The following CDH12 variants were observed in gnomAD, a reference collection of about 807,000 sequenced individuals.
CDH12 encodes cadherin-12.
In CDH12, 41 loss-of-function variants were observed where a neutral mutation model predicts 74.1. The ratio of observed to expected loss-of-function variants is 0.55; its 90% CI spans 0.43 to 0.72. The LOEUF is 0.72. Among genes scored for constraint, CDH12 ranks in the 30% least tolerant of loss-of-function variants. CDH12 has a pLI of 0.00. For missense variants in CDH12, 945 were observed against 977.2 expected (o/e 0.97, Z 0.44); for synonymous variants, 399 against 355.0 (o/e 1.12, Z -1.39).
chr5:22,578,182 C>A (rs1230676828), intron 1 of CDH12, among the ~76,000 whole-genome samples: 1 of 152,064 alleles, frequency 6.6e-6, no homozygotes, highest in Admixed American at 6.6e-5. Flanking sequence ...AAAGAATGAT[C>A]ATGCAAAAAT....
chr5:21,925,932 T>C (rs995094890), intron 6 of CDH12, among the ~76,000 whole-genome samples: 2 of 92,042 alleles, frequency 2.2e-5, no homozygotes, highest in Non-Finnish European at 5.5e-5. Flanking sequence ...TCCAATAACA[T>C]GCTTTTGATA....
intron 13 of CDH12, among the ~76,000 whole-genome samples, chr5:21,759,596 T>C (rs1236146183): frequency 2.0e-5 from 3 of 152,142 alleles, no homozygotes; most frequent in Non-Finnish European, 2.9e-5. Context: ...TAAGAATCTG[T>C]CATTTTGGTA....
intron 5 of CDH12, among the ~76,000 whole-genome samples, chr5:21,976,496 C>CT (rs1162212772): frequency 8.7e-5 from 13 of 150,042 alleles, no homozygotes; most frequent in Non-Finnish European, 1.6e-4. Flanking sequence ...ATATAATTTT[C>CT]TAGTAGTATA....
intron 4 of CDH12, among the ~76,000 whole-genome samples, chr5:22,150,237 C>A (rs1045183487): frequency 6.6e-6 from 1 of 151,862 alleles, no homozygotes; most frequent in Non-Finnish European, 1.5e-5. Context: ...TCTGCTAACA[C>A]TTTTTAATAT....
intron 6 of CDH12, among the ~76,000 whole-genome samples, chr5:21,940,894 G>GA (rs1340365003): frequency 6.6e-6 from 1 of 150,982 alleles, no homozygotes; most frequent in African/African-American, 2.4e-5. Context: ...AATTACTTTG[G>GA]AAAAAAATCA....
chr5:22,144,931 C>T (rs1291054385), intron 4 of CDH12, among the ~76,000 whole-genome samples: 2 of 151,914 alleles, frequency 1.3e-5, no homozygotes, highest in Admixed American at 6.6e-5. Flanking sequence ...AATCAGATTT[C>T]GGCAATGTTG....
chr5:22,835,685 A>T (rs545447138), intron 1 of CDH12, among the ~76,000 whole-genome samples: 5 of 152,270 alleles, frequency 3.3e-5, no homozygotes, highest in Middle Eastern at 3.4e-3. Flanking sequence ...TCCTCCACTA[A>T]CAAACGATTA....
At chr5:22,296,909 T>C (rs1737649277) in intron 3 of CDH12, among the ~76,000 whole-genome samples, 1 of 152,164 alleles carries the variant, frequency 6.6e-6, no homozygotes, top group African/African-American at 2.4e-5. Flanking sequence ...AAAATATCTT[T>C]AGGAAAGCAT....
At chr5:21,784,904 G>T (rs1332277526) in intron 10 of CDH12, among the ~76,000 whole-genome samples, 5 of 152,094 alleles carry the variant, frequency 3.3e-5, no homozygotes, top group Non-Finnish European at 7.4e-5. Context: ...GTTAGTACAG[G>T]TATACCTTAT....
chr5:22,644,620 C>T (rs1182524179), intron 1 of CDH12, among the ~76,000 whole-genome samples: 3 of 151,822 alleles, frequency 2.0e-5, no homozygotes, highest in Admixed American at 1.3e-4. Context: ...GCAGTAAGTG[C>T]TTATATAGAA....
chr5:22,567,096 C>T (rs1489960861), intron 1 of CDH12, among the ~76,000 whole-genome samples: 2 of 152,132 alleles, frequency 1.3e-5, no homozygotes, highest in Non-Finnish European at 2.9e-5. Flanking sequence ...TATAACTCCT[C>T]GGATGTTTTA....
chr5:22,196,440 G>C (rs1750625984), intron 4 of CDH12, among the ~76,000 whole-genome samples: 2 of 152,004 alleles, frequency 1.3e-5, no homozygotes, highest in African/African-American at 4.8e-5. Context: ...ACTGTGCCTG[G>C]CCTGTATGTA....
In CDH12 at chr5:22,015,117, T is replaced by C. The variant is rs116040093; in HGVS notation, c.232-39732A>G. ...AAACTGAGTGTTTGCTCAACCATAATTGTGAAGCAATCAGTTTAATTTTCT... is the reference window on the plus strand; with the variant it reads ...AAACTGAGTGTTTGCTCAACCATAACTGTGAAGCAATCAGTTTAATTTTCT... On this transcript the variant is annotated intron_variant, in intron 5 of 14. Coordinates refer to ENST00000382254, the MANE Select transcript of CDH12 (RefSeq NM_004061.5). 5.1e-3 allele frequency among the ~76,000 whole-genome samples: 777 copies of C among 152,302 alleles called. 7 individuals are homozygous for C. The highest frequency in any genetic ancestry group is 0.018 in the African/African-American group (734 of 41,572).
At position 22,117,239 on chromosome 5, in the gene CDH12, T is replaced by C. The variant is rs146898429; in HGVS notation, c.-186-38377A>G. On this transcript the variant is annotated intron_variant, in intron 4 of 14. Coordinates refer to ENST00000382254, the MANE Select transcript of CDH12 (RefSeq NM_004061.5). ...CTTCTTGTATATACTAAATTATTTC[T>C]AGTAGCTTTAAAGAATAAGAAACAA... Among the ~76,000 whole-genome samples the C allele has an allele frequency of 5.0e-3, 748 of 150,440 alleles. 5 individuals carry two copies. The highest frequency in any genetic ancestry group is 0.017 in the African/African-American group (690 of 40,934).
rs535285893 is a variant in CDH12, at chr5:21,933,864, G to A, written c.526+41227C>T. Among the ~76,000 whole-genome samples, 34 of 152,272 alleles carry A rather than the reference G, an allele frequency of 2.2e-4. No individual in the cohort carries two copies. The South Asian group carries it at 3.3e-3, about 15-fold the overall frequency. On this transcript the variant is annotated intron_variant, in intron 6 of 14. Transcript: ENST00000382254. ...ACACATTTGTTCACTGAACTCAAAC[G>A]TGGCAGTGTACTCCCCTGTGAAACT...
At chr5:21,783,544 A>C in intron 10 of CDH12, 50 bp from the exon 11 acceptor site, 1 of 1,403,028 alleles carries the variant, frequency 7.1e-7, no homozygotes, top group East Asian at 2.3e-5. Flanking sequence ...CACATTAATC[A>C]TAATGGCACT....
intron 4 of CDH12, among the ~76,000 whole-genome samples, chr5:22,134,935 TA>T (rs1356927474): frequency 6.6e-6 from 1 of 151,940 alleles, no homozygotes; most frequent in African/African-American, 2.4e-5. Flanking sequence ...ATTTACTCAT[TA>T]AGCTGATGAT....
chr5:21,986,833 C>A (rs185153670), intron 5 of CDH12, among the ~76,000 whole-genome samples: 3 of 152,104 alleles, frequency 2.0e-5, no homozygotes, highest in African/African-American at 7.2e-5. Context: ...CCAATATTAG[C>A]TCTTATCGAA....
chr5:21,981,076 A>AT, intron 5 of CDH12, among the ~76,000 whole-genome samples: 2 of 152,118 alleles, frequency 1.3e-5, no homozygotes, highest in Non-Finnish European at 2.9e-5. Context: ...ATACATATAT[A>AT]AAATTGGCTA....
Sources: gnomAD v4.1 joint callset for allele counts (sites outside exome capture counted in the v4.1 genomes callset) on GRCh38, gnomAD v4.1.1 for gene constraint, MANE v1.5 for transcripts, NCBI Gene and HGNC (gene_info 2026-07-23, HGNC 2026-07-21) for gene names.